LSAMP: variants seen among roughly 807,000 people sequenced by gnomAD.
The protein encoded by LSAMP is limbic system-associated membrane protein.
A neutral mutation model predicts 38.6 loss-of-function variants in LSAMP; 7 were observed. That is an observed-to-expected ratio of 0.18 (90% CI 0.10 to 0.34). The LOEUF is 0.34. Among genes scored for constraint, LSAMP ranks in the 10% least tolerant of loss-of-function variants. The pLI, the probability that LSAMP is intolerant of heterozygous loss-of-function variation, is 1.00. For synonymous variants in LSAMP, 154 were observed against 166.8 expected (o/e 0.92, Z 0.59); for missense variants, 313 against 420.0 (o/e 0.75, Z 2.23).
At chr3:116,206,319 G>C (rs1460032756) in intron 1 of LSAMP, among the ~76,000 whole-genome samples, 2 of 149,314 alleles carry the variant, frequency 1.3e-5, no homozygotes, top group South Asian at 2.2e-4. Flanking sequence ...TCTTGCTAGC[G>C]GTCTATCAAT....
intron 1 of LSAMP, among the ~76,000 whole-genome samples, chr3:116,133,378 T>C (rs1004613771): frequency 6.6e-6 from 1 of 151,946 alleles, no homozygotes; most frequent in Non-Finnish European, 1.5e-5. Context: ...GCAGCCTCAA[T>C]CTCCTGGGCT....
intron 1 of LSAMP, among the ~76,000 whole-genome samples, chr3:116,276,792 G>T (rs2047060099): frequency 6.6e-6 from 1 of 152,116 alleles, no homozygotes; most frequent in Admixed American, 6.6e-5. Flanking sequence ...ACCACATGGG[G>T]CTGGCCCAGT....
intron 1 of LSAMP, among the ~76,000 whole-genome samples, chr3:116,384,987 C>T (rs1176233084): frequency 6.6e-6 from 1 of 151,936 alleles, no homozygotes; most frequent in African/African-American, 2.4e-5. Context: ...TAAGCAGTCA[C>T]TGAGTCTAGC....
At chr3:116,006,451 C>T (rs1940164148) in intron 3 of LSAMP, among the ~76,000 whole-genome samples, 1 of 152,154 alleles carries the variant, frequency 6.6e-6, no homozygotes, top group Non-Finnish European at 1.5e-5. Context: ...TAGCCCACAG[C>T]TGATGGATAC....
At chr3:116,328,819 G>T (rs1275589832) in intron 1 of LSAMP, among the ~76,000 whole-genome samples, 1 of 151,964 alleles carries the variant, frequency 6.6e-6, no homozygotes, top group Non-Finnish European at 1.5e-5. Context: ...AGGTTTTTAA[G>T]AAAAATTAAT....
intron 1 of LSAMP, among the ~76,000 whole-genome samples, chr3:116,414,541 C>T (rs1653195574): frequency 6.6e-6 from 1 of 152,076 alleles, no homozygotes; most frequent in Non-Finnish European, 1.5e-5. Context: ...GAGCAATCGT[C>T]CAACGTTTGG....
intron 1 of LSAMP, among the ~76,000 whole-genome samples, chr3:116,393,372 C>A (rs918779928): frequency 2.6e-5 from 4 of 152,200 alleles, no homozygotes; most frequent in Admixed American, 2.0e-4. Context: ...GGTCTAGCTG[C>A]AGCCTCACAG....
chr3:116,227,759 A>G (rs921708299), intron 1 of LSAMP, among the ~76,000 whole-genome samples: 2 of 152,160 alleles, frequency 1.3e-5, no homozygotes, highest in African/African-American at 4.8e-5. Context: ...TTTATTAAAT[A>G]ATAAACAGAA....
chr3:115,821,746 A>C (rs1417039383), intron 6 of LSAMP, among the ~76,000 whole-genome samples: 1 of 152,196 alleles, frequency 6.6e-6, no homozygotes, highest in African/African-American at 2.4e-5. Context: ...CAGTTCCTGA[A>C]AATTGCAGAA....
At chr3:116,032,288 G>A (rs1184571630) in intron 2 of LSAMP, among the ~76,000 whole-genome samples, 3 of 152,042 alleles carry the variant, frequency 2.0e-5, no homozygotes, top group African/African-American at 7.2e-5. Flanking sequence ...CAAAGCACTG[G>A]TATATGCCTT....
At chr3:115,833,042 G>C (rs984249521) in intron 6 of LSAMP, among the ~76,000 whole-genome samples, 1 of 152,172 alleles carries the variant, frequency 6.6e-6, no homozygotes, top group African/African-American at 2.4e-5. Flanking sequence ...ATGATACCTA[G>C]AGTCACAGTG....
At chr3:116,210,353 G>T (rs1315448628) in intron 1 of LSAMP, among the ~76,000 whole-genome samples, 1 of 152,200 alleles carries the variant, frequency 6.6e-6, no homozygotes, top group Non-Finnish European at 1.5e-5. Flanking sequence ...TCAACTGCCA[G>T]TGCGGCTTGA....
rs144277656 is a variant in LSAMP, at chr3:116,325,935, G to A, written c.155+118942C>T. On this transcript the variant is annotated intron_variant, in intron 1 of 6. Coordinates refer to ENST00000490035, the MANE Select transcript of LSAMP (RefSeq NM_002338.5). Reference sequence around the variant, plus strand: ...GAAATTGAGTGAAGAAAGCACAAGCGTATCCAAAGACATTCATAATTTTTT... The same window carrying A: ...GAAATTGAGTGAAGAAAGCACAAGCATATCCAAAGACATTCATAATTTTTT... 7.9e-5 allele frequency among the ~76,000 whole-genome samples: 12 copies of A among 152,248 alleles called. No homozygotes were observed. The East Asian group carries it at 9.7e-4, about 12-fold the overall frequency.
At chr3:116,094,790 T>C (rs1342242318) in intron 1 of LSAMP, among the ~76,000 whole-genome samples, 1 of 152,238 alleles carries the variant, frequency 6.6e-6, no homozygotes, top group Non-Finnish European at 1.5e-5. Context: ...GCCTATTTAC[T>C]ATTGGAACAC....
At chr3:116,418,569 G>A (rs1420267443) in intron 1 of LSAMP, among the ~76,000 whole-genome samples, 1 of 151,736 alleles carries the variant, frequency 6.6e-6, no homozygotes, top group Non-Finnish European at 1.5e-5. Context: ...TACTACTTCA[G>A]GAAGCTTCTG....
intron 6 of LSAMP, among the ~76,000 whole-genome samples, chr3:115,836,409 A>T (rs372791411): frequency 6.6e-6 from 1 of 152,326 alleles, no homozygotes; most frequent in African/African-American, 2.4e-5. Context: ...TGAAGTAAAT[A>T]CCACTTATAA....
In LSAMP at chr3:116,274,336, C is replaced by T. The variant is rs538898767; in HGVS notation, c.155+170541G>A. 6.2e-4 allele frequency among the ~76,000 whole-genome samples: 95 copies of T among 152,174 alleles called. 2 individuals are homozygous for T. The South Asian group carries it at 0.017, about 28-fold the overall frequency. On this transcript the variant is annotated intron_variant, in intron 1 of 6. Transcript: ENST00000490035. ...AGGTAATGGAAGAATAAGTAAATGACGGGAGCTCTCCAGAGTTGGGAATAC... is the reference window on the plus strand; with the variant it reads ...AGGTAATGGAAGAATAAGTAAATGATGGGAGCTCTCCAGAGTTGGGAATAC...
chr3:116,371,763 T>C (rs1434949366), intron 1 of LSAMP, among the ~76,000 whole-genome samples: 1 of 152,074 alleles, frequency 6.6e-6, no homozygotes, highest in Non-Finnish European at 1.5e-5. Context: ...TTTGGAGATA[T>C]ATGATCTTCT....
chr3:115,997,749 T>TAC (rs1553757623), intron 3 of LSAMP, among the ~76,000 whole-genome samples: 14 of 131,900 alleles, frequency 1.1e-4, no homozygotes, highest in Non-Finnish European at 1.9e-4. Flanking sequence ...TATATATATA[T>TAC]ATATACACAC....
Sources: gnomAD v4.1 joint callset for allele counts (sites outside exome capture counted in the v4.1 genomes callset) on GRCh38, gnomAD v4.1.1 for gene constraint, MANE v1.5 for transcripts, NCBI Gene and HGNC (gene_info 2026-07-23, HGNC 2026-07-21) for gene names.